GALC: variants seen among roughly 807,000 people sequenced by gnomAD.
The protein encoded by GALC is galactosylceramidase.
Under a neutral mutation model 91.8 loss-of-function variants are expected in GALC, and 77 were observed. The observed-to-expected ratio is 0.84, with a 90% CI of 0.70 to 1.01. The LOEUF is 1.01. GALC is among the 50% of genes least tolerant of loss of function. GALC has a pLI of 0.00. For synonymous variants in GALC, 357 were observed against 306.7 expected, an observed-to-expected ratio of 1.16 and a Z score of -1.71; for missense variants, 882 against 855.9, an observed-to-expected ratio of 1.03 and a Z score of -0.38.
Position 87,934,407 on chromosome 14 carries a change from A to G in GALC, c.*325T>C. ...ATCTACAGGACCGCTTGCAAATAAG[A>G]TGAAGAGAGCTACCTCAGTGTTAGC... On this transcript the variant is annotated 3_prime_UTR_variant, in exon 17 of 17. Transcript: ENST00000261304. The G allele has an allele frequency of 7.8e-7, 1 of 1,280,164 alleles. No individual in the cohort carries two copies. The highest frequency in any genetic ancestry group is 1.7e-5 in the South Asian group (1 of 59,804). The allele number at this position is 1,280,164 out of a possible 1,614,324, so 79.3% of individuals were successfully genotyped here.
intron 7 of GALC, 117 bp downstream of exon 7, chr14:87,976,241 T>C: frequency 9.3e-7 from 1 of 1,071,174 alleles, no homozygotes; most frequent in African/African-American, 1.5e-5. Context: ...GGTAAGTGAA[T>C]ACAGGAGAGC....
intron 3 of GALC, 129 bp downstream of exon 3, chr14:87,988,015 A>C (rs1404652543): frequency 2.8e-6 from 2 of 716,452 alleles, no homozygotes; most frequent in African/African-American, 3.6e-5. Flanking sequence ...AATGAGGAAA[A>C]CTCTAATAAG....
intron 14 of GALC, among the ~76,000 whole-genome samples, chr14:87,941,876 C>T (rs1884869313): frequency 1.3e-5 from 2 of 151,802 alleles, no homozygotes; most frequent in East Asian, 3.9e-4. Context: ...TTTTAAAATG[C>T]TACTATTGTC....
chr14:87,934,291 T>C lies in GALC; in HGVS notation c.*441A>G, dbSNP rs1428087322. On this transcript the variant is annotated 3_prime_UTR_variant, in exon 17 of 17. Coordinates refer to ENST00000261304, the MANE Select transcript of GALC (RefSeq NM_000153.4). ...TCTAGTGTTCTTCAGCTTTCTATTA[T>C]GGCAGCATCATCTTGTGATGAAGAC... 7.7e-7 allele frequency: 1 copy of C among 1,297,804 alleles called. No homozygotes were observed. Among genetic ancestry groups the C allele is most frequent in the South Asian group, 1.8e-5 (1 of 56,194 alleles). The allele number at this position is 1,297,804 out of a possible 1,614,324, so 80.4% of individuals were successfully genotyped here.
intron 10 of GALC, chr14:87,953,685 A>T: frequency 6.2e-7 from 1 of 1,608,796 alleles, no homozygotes; most frequent in Non-Finnish European, 8.5e-7. Flanking sequence ...TCCTTCAAGT[A>T]GCTAAGAAAA....
intron 10 of GALC, chr14:87,955,076 A>G: frequency 7.5e-7 from 1 of 1,338,740 alleles, no homozygotes. Flanking sequence ...GTCAGCGCAG[A>G]ACCTTGTGTA....
intron 10 of GALC, chr14:87,952,847 T>C: frequency 2.4e-5 from 28 of 1,183,134 alleles, no homozygotes; most frequent in Non-Finnish European, 3.5e-5. Flanking sequence ...CGAGCTCTAA[T>C]ATGCAAATAT....
intron 6 of GALC, among the ~76,000 whole-genome samples, chr14:87,978,262 G>A (rs1292424905): frequency 6.6e-6 from 1 of 152,140 alleles, no homozygotes; most frequent in Non-Finnish European, 1.5e-5. Flanking sequence ...TGTTGGTCAG[G>A]CTGATCTCGA....
At chr14:87,963,853 G>C (rs562507980) in intron 9 of GALC, among the ~76,000 whole-genome samples, 1 of 151,876 alleles carries the variant, frequency 6.6e-6, no homozygotes. Flanking sequence ...CCAAAAAAAG[G>C]TTTAAAAAGT....
chr14:87,951,808 C>T (rs539820140), intron 10 of GALC, among the ~76,000 whole-genome samples: 5 of 152,000 alleles, frequency 3.3e-5, no homozygotes, highest in Admixed American at 2.0e-4. Flanking sequence ...CAACATATCA[C>T]AATTTGTGGT....
At chr14:87,952,708 T>C (rs1885362489) in intron 10 of GALC, 3 of 1,511,578 alleles carry the variant, frequency 2.0e-6, no homozygotes, top group South Asian at 1.1e-5. Flanking sequence ...CAGATCTTAG[T>C]GGTCATTTCT....
Position 87,984,500 on chromosome 14 carries a change from T to C in GALC, c.476A>G (p.Lys159Arg), listed in dbSNP as rs568346072. ...LPWSFPGWLG[K>R]GFDWPYVNLQ... Reference sequence around the variant, plus strand: ...ATTGACATAAGGCCAGTCGAAACCTTTTCCCAGCCATCCAGGGAATGACCA... The same window carrying C: ...ATTGACATAAGGCCAGTCGAAACCTCTTCCCAGCCATCCAGGGAATGACCA... The change falls in exon 5 of 17, where the codon AAA becomes AGA. Residue 159 changes from lysine to arginine, a missense_variant. Transcript: ENST00000261304. The C allele has an allele frequency of 6.2e-7, 1 of 1,614,096 alleles. No homozygotes were observed. Among genetic ancestry groups the C allele is most frequent in the East Asian group, 2.2e-5 (1 of 44,878 alleles).
At chr14:87,975,877 C>A (rs1886471842) in intron 7 of GALC, among the ~76,000 whole-genome samples, 1 of 151,920 alleles carries the variant, frequency 6.6e-6, no homozygotes, top group Non-Finnish European at 1.5e-5. Context: ...GGTCAGGGCC[C>A]AGAGTGCTAA....
chr14:87,986,548 C>T lies in GALC; in HGVS notation c.383G>A (p.Gly128Glu). The T allele has an allele frequency of 3.1e-6, 5 of 1,613,836 alleles. No individual in the cohort carries two copies. The highest frequency in any genetic ancestry group is 4.2e-6 in the Non-Finnish European group (5 of 1,179,798). ...HYALDENYFR[G>E]YEWWLMKEAK... ...TTCTTTCATCAACCACCACTCGTAT[C>T]CTCGGAAATAATTCTCATCTAGTGC... Residue 128 changes from glycine to glutamate, a missense_variant, in exon 4 of 17, where the codon GGA becomes GAA. Physicochemically the swap from Gly to Glu is moderately conservative, Grantham distance 98. Transcript: ENST00000261304.
chr14:87,963,130 G>C (rs1284910112), intron 10 of GALC: 1 of 438,414 alleles, frequency 2.3e-6, no homozygotes, highest in Non-Finnish European at 4.2e-6. Context: ...TGGTACACAG[G>C]TAACCTTAAT....
chr14:87,967,007 C>T (rs1327317285), intron 8 of GALC, among the ~76,000 whole-genome samples: 1 of 152,130 alleles, frequency 6.6e-6, no homozygotes, highest in Non-Finnish European at 1.5e-5. Flanking sequence ...CCTGTAGATT[C>T]TGATTCACAA....
intron 3 of GALC, chr14:87,986,981 C>G: frequency 2.2e-6 from 1 of 445,830 alleles, no homozygotes; most frequent in South Asian, 1.6e-5. Context: ...CAACTTTCAG[C>G]TTTTCAACGC....
intron 10 of GALC, among the ~76,000 whole-genome samples, chr14:87,957,629 T>C (rs1372609148): frequency 1.3e-5 from 2 of 152,134 alleles, no homozygotes; most frequent in African/African-American, 4.8e-5. Context: ...GACTGCTAGA[T>C]CTGATAAATG....
chr14:87,950,047 G>T, intron 11 of GALC, 116 bp from the exon 12 acceptor site: 1 of 593,460 alleles, frequency 1.7e-6, no homozygotes. Context: ...TATTTATCAA[G>T]AGAAACACCT....
Sources: gnomAD v4.1 joint callset for allele counts (sites outside exome capture counted in the v4.1 genomes callset) on GRCh38, gnomAD v4.1.1 for gene constraint, MANE v1.5 for transcripts, NCBI Gene and HGNC (gene_info 2026-07-23, HGNC 2026-07-21) for gene names.